The following UBR3 variants were observed in gnomAD, a reference collection of about 807,000 sequenced individuals.
UBR3 encodes ubiquitin protein ligase E3 component n-recognin 3, also known as E3 ubiquitin-protein ligase UBR3.
UBR3 carries 85 observed loss-of-function variants against 243.2 expected under a neutral mutation model. The observed-to-expected ratio is 0.35, with a 90% confidence interval of 0.29 to 0.42. UBR3 has a LOEUF of 0.42. Among genes scored for constraint, UBR3 ranks in the 10% least tolerant of loss-of-function variants. UBR3 has a pLI of 1.00. For missense variants in UBR3, 1,686 were observed against 2,300.8 expected (o/e 0.73, Z 5.47); for synonymous variants, 748 against 799.8 (o/e 0.94, Z 1.09).
chr2:170,015,932 A>G (rs1046148154), intron 30 of UBR3, among the ~76,000 whole-genome samples: 2 of 151,888 alleles, frequency 1.3e-5, no homozygotes, highest in Non-Finnish European at 3.0e-5. Context: ...CTTTGATGCT[A>G]TCATTTTTTA....
At chr2:169,874,732 A>G (rs557765113) in intron 2 of UBR3, among the ~76,000 whole-genome samples, 1 of 152,340 alleles carries the variant, frequency 6.6e-6, no homozygotes, top group Non-Finnish European at 1.5e-5. Context: ...GTTGAATAAT[A>G]TATAACATTA....
chr2:169,930,902 C>A (rs2086096616), intron 18 of UBR3, among the ~76,000 whole-genome samples: 1 of 152,086 alleles, frequency 6.6e-6, no homozygotes, highest in Admixed American at 6.5e-5. Context: ...CCTAAAGTGG[C>A]CCCTGTTATA....
At chr2:169,867,587 G>T (rs559964228) in intron 1 of UBR3, among the ~76,000 whole-genome samples, 1 of 152,104 alleles carries the variant, frequency 6.6e-6, no homozygotes, top group African/African-American at 2.4e-5. Flanking sequence ...TAATAGATAT[G>T]GTCAAGTGCC....
chr2:170,080,396 A>G, intron 37 of UBR3, 149 bp from the exon 38 acceptor site: 1 of 879,134 alleles, frequency 1.1e-6, no homozygotes, highest in Non-Finnish European at 1.6e-6. Context: ...TTAATAATAA[A>G]GTGTTAGGAA....
chr2:170,008,859 C>A lies in UBR3; in HGVS notation c.4286C>A (p.Thr1429Asn), dbSNP rs761088252. The A allele has an allele frequency of 1.9e-6, 3 of 1,539,942 alleles. No individual in the cohort carries two copies. Among genetic ancestry groups the A allele is most frequent in the Non-Finnish European group, 2.7e-6 (3 of 1,124,370 alleles). Reference protein sequence around the residue: ...MESVMKDIKNTTQKKYRDYSK... With the variant: ...MESVMKDIKNNTQKKYRDYSK... ...TCTGTAATGAAAGATATAAAAAATA[C>A]CACTCAGAAGAAATATAGAGACTAT... Residue 1429 changes from threonine to asparagine, a missense_variant, in exon 29 of 39, where the codon ACC (threonine) becomes AAC (asparagine). Around this residue, in one of 8 missense-constraint regions of UBR3, gnomAD observed 371 missense variants for 422.5 expected, o/e 0.88. Coordinates refer to ENST00000272793, the MANE Select transcript of UBR3 (RefSeq NM_172070.4).
At position 169,878,233 on chromosome 2, in the gene UBR3, C is replaced by T. The variant is rs536745735; in HGVS notation, c.989-292C>T. ...AAAATTAGCTGGGCGTGCTGGCAGG[C>T]GCCTGTAAGCCCAGCTACTTGGGAA... On this transcript the variant is annotated intron_variant, in intron 4 of 38. Coordinates refer to ENST00000272793, the MANE Select transcript of UBR3 (RefSeq NM_172070.4). 4.6e-5 allele frequency among the ~76,000 whole-genome samples: 7 copies of T among 151,956 alleles called. No individual in the cohort carries two copies. The East Asian group carries it at 5.8e-4, about 13-fold the overall frequency.
At chr2:170,009,032 T>A in intron 29 of UBR3, 92 bp downstream of exon 29, 1 of 886,124 alleles carries the variant, frequency 1.1e-6, no homozygotes, top group Non-Finnish European at 1.6e-6. Flanking sequence ...ATTTAAAGGA[T>A]GCATATTTTT....
In UBR3 at chr2:170,076,237, TATA is replaced by T. The variant is rs564004235; in HGVS notation, c.5199+2633_5199+2635del. Among the ~76,000 whole-genome samples the T allele has an allele frequency of 2.0e-5, 3 of 152,314 alleles. No homozygotes were observed. The East Asian group carries it at 5.8e-4, about 29-fold the overall frequency. ...AAAGGGGTTATTTTCTAAAAGAACT[TATA>T]ATGTTATTAATATAAGAAAGCAGCA... is the stretch of plus-strand genomic sequence containing the variant. On this transcript the variant is annotated intron_variant, in intron 36 of 38. Transcript: ENST00000272793.
chr2:169,938,882 G>A (rs1325366038), intron 19 of UBR3, among the ~76,000 whole-genome samples: 1 of 152,056 alleles, frequency 6.6e-6, no homozygotes, highest in East Asian at 1.9e-4. Context: ...TTCATGTGGT[G>A]TTCCTTTGAG....
chr2:169,949,172 A>T (rs1270423942), intron 22 of UBR3, among the ~76,000 whole-genome samples: 3 of 152,000 alleles, frequency 2.0e-5, no homozygotes, highest in Non-Finnish European at 2.9e-5. Context: ...AGCTTAGAAA[A>T]TTTTTTTAAA....
chr2:169,896,918 A>G (rs1278106549), intron 8 of UBR3, among the ~76,000 whole-genome samples, 183 bp downstream of exon 8: 1 of 152,138 alleles, frequency 6.6e-6, no homozygotes, highest in Non-Finnish European at 1.5e-5. Flanking sequence ...AAAAATTATA[A>G]AATAATACAT....
intron 35 of UBR3, among the ~76,000 whole-genome samples, chr2:170,066,709 G>A (rs1261477044): frequency 3.9e-5 from 6 of 152,168 alleles, no homozygotes; most frequent in Non-Finnish European, 7.3e-5. Flanking sequence ...GCTCACGCCT[G>A]TAATCCCAGC....
chr2:170,050,456 T>A (rs549755409), intron 32 of UBR3, among the ~76,000 whole-genome samples: 2 of 152,222 alleles, frequency 1.3e-5, no homozygotes, highest in South Asian at 2.1e-4. Context: ...ACCTGTGTGC[T>A]CTTCCCCTAG....
Position 169,832,107 on chromosome 2 carries a change from A to G in UBR3, c.545+4055A>G, listed in dbSNP as rs183759343. On this transcript the variant is annotated intron_variant, in intron 1 of 38. Coordinates refer to ENST00000272793, the MANE Select transcript of UBR3 (RefSeq NM_172070.4). ...ATTTAATTTTCAAATTAGCAATTAT[A>G]GAACTGTGGGGAGGATTTAGTTATT... 2.0e-4 allele frequency among the ~76,000 whole-genome samples: 31 copies of G among 152,352 alleles called. No individual in the cohort carries two copies. In the East Asian group the frequency reaches 6.0e-3, roughly 29 times the overall value.
chr2:169,911,122 T>C (rs1373594235), intron 10 of UBR3, among the ~76,000 whole-genome samples: 1 of 152,138 alleles, frequency 6.6e-6, no homozygotes. Flanking sequence ...TTAAAAAAAG[T>C]AATACTACCC....
rs113105645 is a variant in UBR3, at chr2:169,921,954, G to A, written c.1867-1975G>A. 4.6e-3 allele frequency among the ~76,000 whole-genome samples: 691 copies of A among 151,686 alleles called. 1 individual carries two copies. The highest frequency in any genetic ancestry group is 0.015 in the African/African-American group (623 of 41,320). ...TGCAGTGAGCTGAGATCGCGCCACC[G>A]TACTCCAGTCTGGGGGACAGTGCGA... On this transcript the variant is annotated intron_variant, in intron 11 of 38. Coordinates refer to ENST00000272793, the MANE Select transcript of UBR3 (RefSeq NM_172070.4).
chr2:169,854,218 A>G (rs950550512), intron 1 of UBR3, among the ~76,000 whole-genome samples: 13 of 152,376 alleles, frequency 8.5e-5, no homozygotes, highest in South Asian at 2.1e-4. Context: ...TCTATGTATT[A>G]TAATTAATAA....
intron 30 of UBR3, among the ~76,000 whole-genome samples, chr2:170,026,208 AAAG>A (rs2090525442): frequency 6.6e-6 from 1 of 152,030 alleles, no homozygotes; most frequent in Non-Finnish European, 1.5e-5. Flanking sequence ...AAAATTAAGG[AAAG>A]AAGAGAGAAG....
chr2:169,839,975 C>T (rs1223943737), intron 1 of UBR3, among the ~76,000 whole-genome samples: 2 of 152,156 alleles, frequency 1.3e-5, no homozygotes, highest in Non-Finnish European at 2.9e-5. Context: ...CAGAGTTAGG[C>T]CCACTGTCTT....
Sources: allele counts gnomAD v4.1 joint callset (sites outside exome capture counted in the v4.1 genomes callset), GRCh38; gene constraint gnomAD v4.1.1; regional missense constraint gnomAD v4.1.1; transcripts MANE v1.5; gene names NCBI Gene and HGNC (gene_info 2026-07-23, HGNC 2026-07-21).